RCHY1: variants seen among roughly 807,000 people sequenced by gnomAD.
RCHY1 encodes the protein RING finger and CHY zinc finger domain-containing protein 1.
In RCHY1, 21 loss-of-function variants were observed where a neutral mutation model predicts 41.6. The observed-to-expected ratio is 0.51, with a 90% CI of 0.36 to 0.73. RCHY1 has a LOEUF of 0.73. Among genes scored for constraint, RCHY1 ranks in the 30% least tolerant of loss-of-function variants. The probability of loss-of-function intolerance (pLI) is 0.00; values close to 1 mark genes in which losing one functional copy is unlikely to be tolerated. For synonymous variants in RCHY1, 79 were observed against 102.9 expected (o/e 0.77, Z 1.41); for missense variants, 265 against 325.3 (o/e 0.81, Z 1.43).
At chr4:75,489,546 A>C (rs111841082) in intron 8 of RCHY1, among the ~76,000 whole-genome samples, 1 of 152,218 alleles carries the variant, frequency 6.6e-6, no homozygotes, top group Non-Finnish European at 1.5e-5. Context: ...TGCCTTGGTC[A>C]AAGATATTGC....
chr4:75,489,544 T>G (rs1403110934), intron 8 of RCHY1, among the ~76,000 whole-genome samples: 1 of 73,492 alleles, frequency 1.4e-5, no homozygotes, highest in Non-Finnish European at 2.7e-5. Context: ...ATTGCCTTGG[T>G]CAAAGATATT....
In RCHY1 at chr4:75,480,402, A is replaced by T. The variant is rs1168638988; in HGVS notation, c.*2136T>A. 6.6e-6 allele frequency: 1 copy of T among 152,172 alleles called. No homozygotes were observed. The highest frequency in any genetic ancestry group is 1.5e-5 in the Non-Finnish European group (1 of 68,010). The allele number at this position is 152,172 out of a possible 1,614,324, so 9.4% of individuals were successfully genotyped here. A position where few individuals can be genotyped will look rare whatever the true frequency, so the allele number is the denominator to read the frequency against. On this transcript the variant is annotated 3_prime_UTR_variant, in exon 9 of 9. Transcript: ENST00000324439. ...GTATTTTAGCAAAATAGAAGTTTAG[A>T]TCAAAAGCAATGTGGTAAAAGTGGG...
At chr4:75,485,311 T>A (rs1721900946) in intron 8 of RCHY1, among the ~76,000 whole-genome samples, 1 of 152,194 alleles carries the variant, frequency 6.6e-6, no homozygotes, top group Non-Finnish European at 1.5e-5. Context: ...GAAACAGTAG[T>A]TAAATTTTTA....
chr4:75,491,987 G>T, intron 4 of RCHY1, 54 bp from the exon 5 acceptor site: 2 of 1,322,602 alleles, frequency 1.5e-6, no homozygotes, highest in Non-Finnish European at 2.1e-6. Flanking sequence ...TAAAATGTCA[G>T]GTATAAAAAT....
At position 75,490,707 on chromosome 4, in the gene RCHY1, A is replaced by G; in HGVS notation, c.537-6T>C. On this transcript the variant is annotated splice_polypyrimidine_tract_variant and splice_region_variant and intron_variant, in intron 7 of 8. Coordinates refer to ENST00000324439, the MANE Select transcript of RCHY1 (RefSeq NM_015436.4). ...ATAATGGACATCTGTAGCCTCTGAAAGAGATAGAAAGGTTATTTTCCAAAT... is the reference window on the plus strand; with the variant it reads ...ATAATGGACATCTGTAGCCTCTGAAGGAGATAGAAAGGTTATTTTCCAAAT... The G allele has an allele frequency of 1.3e-6, 2 of 1,594,216 alleles. No individual in the cohort carries two copies. Among genetic ancestry groups the G allele is most frequent in the South Asian group, 2.3e-5 (2 of 88,186 alleles).
chr4:75,487,528 A>AAT (rs376115200), intron 8 of RCHY1, among the ~76,000 whole-genome samples: 1 of 72,772 alleles, frequency 1.4e-5, no homozygotes, highest in East Asian at 3.9e-4. Context: ...ATATATTCAT[A>AAT]ATATATTCAT....
chr4:75,509,615 CAACTTGA>C, intron 1 of RCHY1: 1 of 214,842 alleles, frequency 4.7e-6, no homozygotes, highest in Admixed American at 5.2e-5. Flanking sequence ...ACCCAAATCT[CAACTTGA>C]AATGTATCTC....
chr4:75,492,233 T>C (rs1722818569), intron 4 of RCHY1, among the ~76,000 whole-genome samples: 2 of 151,936 alleles, frequency 1.3e-5, no homozygotes, highest in South Asian at 4.1e-4. Flanking sequence ...CCAAAGATAA[T>C]AAGATTTGGA....
At chr4:75,513,597 T>C (rs1725189731) in intron 1 of RCHY1, among the ~76,000 whole-genome samples, 1 of 152,118 alleles carries the variant, frequency 6.6e-6, no homozygotes, top group Admixed American at 6.5e-5. Context: ...ATTGAATACG[T>C]GCCAATTTAA....
Position 75,479,654 on chromosome 4 carries a change from A to G in RCHY1, c.*2884T>C, listed in dbSNP as rs1721373983. The G allele has an allele frequency of 6.6e-6, 1 of 152,060 alleles. No homozygotes were observed. Among genetic ancestry groups the G allele is most frequent in the Non-Finnish European group, 1.5e-5 (1 of 67,970 alleles). 9.4% of individuals were successfully genotyped at this position (152,060 alleles called of 1,614,324 possible). On this transcript the variant is annotated 3_prime_UTR_variant, in exon 9 of 9. Coordinates refer to ENST00000324439, the MANE Select transcript of RCHY1 (RefSeq NM_015436.4). ...ATATACACTCATTTTTTTTTTATAC[A>G]TACATCTTTAATGATAAAAGAAGCT...
chr4:75,487,712 A>G (rs1484525688), intron 8 of RCHY1, among the ~76,000 whole-genome samples: 1 of 106,026 alleles, frequency 9.4e-6, no homozygotes, highest in East Asian at 2.4e-4. Context: ...TTCATAATAT[A>G]TATTCATATA....
At chr4:75,499,272 T>C (rs1723509422) in intron 3 of RCHY1, among the ~76,000 whole-genome samples, 1 of 152,142 alleles carries the variant, frequency 6.6e-6, no homozygotes, top group Non-Finnish European at 1.5e-5. Flanking sequence ...AGACAGGGAA[T>C]AACAGATGCT....
chr4:75,498,462 T>C (rs1380919800), intron 3 of RCHY1, among the ~76,000 whole-genome samples: 2 of 104,704 alleles, frequency 1.9e-5, no homozygotes, highest in African/African-American at 7.6e-5. Context: ...AGACCCTGAA[T>C]AGTCAAAGCA....
chr4:75,505,128 T>C (rs1025653893), intron 3 of RCHY1, among the ~76,000 whole-genome samples: 1 of 152,182 alleles, frequency 6.6e-6, no homozygotes, highest in Non-Finnish European at 1.5e-5. Flanking sequence ...AGGTATTAGA[T>C]TCTCATAAGG....
intron 3 of RCHY1, among the ~76,000 whole-genome samples, chr4:75,506,480 T>G (rs1724320706): frequency 1.3e-5 from 2 of 151,454 alleles, no homozygotes; most frequent in South Asian, 4.2e-4. Flanking sequence ...AACTAGAAAA[T>G]AACAAGAATG....
chr4:75,506,564 G>A (rs1180768739), intron 3 of RCHY1, among the ~76,000 whole-genome samples: 1 of 151,652 alleles, frequency 6.6e-6, no homozygotes, highest in African/African-American at 2.4e-5. Flanking sequence ...CAATGCAGCA[G>A]AAGAGAGACC....
chr4:75,498,639 T>C (rs911306674), intron 3 of RCHY1, among the ~76,000 whole-genome samples: 1 of 152,074 alleles, frequency 6.6e-6, no homozygotes, highest in African/African-American at 2.4e-5. Flanking sequence ...AATGTATGCA[T>C]TTACGGCTAA....
intron 1 of RCHY1, among the ~76,000 whole-genome samples, chr4:75,512,761 A>C (rs1017879794): frequency 6.6e-5 from 10 of 151,902 alleles, no homozygotes; most frequent in African/African-American, 2.4e-4. Flanking sequence ...CTCTCCACTA[A>C]AACTCCTCTT....
At chr4:75,498,133 C>A (rs1214272112) in intron 3 of RCHY1, among the ~76,000 whole-genome samples, 21 of 143,086 alleles carry the variant, frequency 1.5e-4, no homozygotes, top group African/African-American at 2.1e-4. Flanking sequence ...AAAAAAAAAA[C>A]CAGAAACAAA....
Sources: allele counts gnomAD v4.1 joint callset (sites outside exome capture counted in the v4.1 genomes callset), GRCh38; gene constraint gnomAD v4.1.1; transcripts MANE v1.5; gene names NCBI Gene and HGNC (gene_info 2026-07-23, HGNC 2026-07-21).